The following WDR26 variants were observed in gnomAD, a reference collection of about 807,000 sequenced individuals.
WDR26 encodes WD repeat-containing protein 26.
WDR26 carries 5 observed loss-of-function variants against 84.1 expected under a neutral mutation model. The observed-to-expected ratio is 0.06, with a 90% CI of 0.03 to 0.13. The LOEUF is 0.13. Ranked by LOEUF, WDR26 falls within the 10% of genes least tolerant of loss-of-function variation. WDR26 has a pLI of 1.00. For missense variants in WDR26, 642 were observed against 974.9 expected, an observed-to-expected ratio of 0.66 and a Z score of 4.55; for synonymous variants, 415 against 389.6, an observed-to-expected ratio of 1.07 and a Z score of -0.77.
intron 7 of WDR26, among the ~76,000 whole-genome samples, chr1:224,407,486 CAT>C (rs35396542): frequency 2.9e-4 from 41 of 143,040 alleles, no homozygotes; most frequent in African/African-American, 7.3e-4. Flanking sequence ...TCAAAAAGGG[CAT>C]ATATATATAT....
intron 3 of WDR26, 87 bp downstream of exon 3, chr1:224,431,390 T>A (rs1674389666): frequency 8.1e-7 from 1 of 1,233,308 alleles, no homozygotes; most frequent in South Asian, 1.3e-5. Flanking sequence ...TTAGGCCTTA[T>A]TTTTTTATAA....
intron 5 of WDR26, 132 bp from the exon 6 acceptor site, chr1:224,418,548 G>A (rs780536280): frequency 2.7e-5 from 21 of 769,304 alleles, no homozygotes; most frequent in South Asian, 1.8e-4. Context: ...GAAGTTCTGC[G>A]TTATGCGATA....
In WDR26 at chr1:224,418,403, T is replaced by C. The variant is rs1572198940; in HGVS notation, c.1176A>G (p.Pro392=). 6.2e-7 allele frequency: 1 copy of C among 1,608,530 alleles called. No individual in the cohort carries two copies. The highest frequency in any genetic ancestry group is 8.5e-7 in the Non-Finnish European group (1 of 1,178,290). ...AACGCCGTGGGGGAAGCATCACTGA[T>C]GGTGGTAAATAGGCTTTAATAGAAG... Residue 392 remains proline, a synonymous_variant, in exon 6 of 14, where the codon CCA becomes CCG. Transcript: ENST00000414423.
intron 6 of WDR26, among the ~76,000 whole-genome samples, chr1:224,411,852 T>C (rs547919605): frequency 6.6e-5 from 10 of 152,156 alleles, no homozygotes; most frequent in Middle Eastern, 6.8e-3. Context: ...ACCACAGACC[T>C]GTGACACCAG....
rs1251513219 is a variant in WDR26 at position 224,388,423 on chromosome 1, C to T, written c.*1412G>A. On this transcript the variant is annotated 3_prime_UTR_variant, in exon 14 of 14. Coordinates refer to ENST00000414423, the MANE Select transcript of WDR26 (RefSeq NM_001379403.1). ...TATGTTATGTTGTATTCAGCTGTTA[C>T]GGAGTTTAAAAGCACAATGTGAACA... The T allele has an allele frequency of 4.6e-5, 7 of 152,112 alleles. No homozygotes were observed. Among genetic ancestry groups the T allele is most frequent in the African/African-American group, 7.2e-5 (3 of 41,418 alleles). The allele number at this position is 152,112 out of a possible 1,614,324, so 9.4% of individuals were successfully genotyped here.
intron 3 of WDR26, chr1:224,430,777 T>C (rs1674368514): frequency 6.6e-6 from 1 of 152,234 alleles, no homozygotes; most frequent in Non-Finnish European, 1.5e-5. Flanking sequence ...AAAAAACTTA[T>C]TTCCTCTCTC....
intron 4 of WDR26, among the ~76,000 whole-genome samples, chr1:224,421,041 A>C (rs559606269): frequency 2.2e-4 from 34 of 152,350 alleles, no homozygotes; most frequent in African/African-American, 7.7e-4. Context: ...GTGAAAATAC[A>C]TATTAAATCT....
At chr1:224,433,178 T>C (rs573080422) in intron 1 of WDR26, among the ~76,000 whole-genome samples, 46 of 152,292 alleles carry the variant, frequency 3.0e-4, no homozygotes, top group Middle Eastern at 6.8e-3. Flanking sequence ...TGTAGGTGAT[T>C]GTCTTTCCTG....
intron 13 of WDR26, among the ~76,000 whole-genome samples, chr1:224,391,385 A>AAAAAAC: frequency 2.2e-5 from 1 of 45,870 alleles, no homozygotes; most frequent in South Asian, 7.8e-4. Context: ...AAAAAAAAAC[A>AAAAAAC]AAAAAAAAAC....
chr1:224,404,655 T>C (rs1572174514), intron 7 of WDR26, 85 bp from the exon 8 acceptor site: 2 of 1,471,926 alleles, frequency 1.4e-6, no homozygotes, highest in Non-Finnish European at 9.1e-7. Flanking sequence ...GCTACAAAGA[T>C]GTACTTTGAT....
At chr1:224,423,736 CATCT>C (rs1674130997) in intron 4 of WDR26, among the ~76,000 whole-genome samples, 2 of 152,194 alleles carry the variant, frequency 1.3e-5, no homozygotes, top group Admixed American at 6.5e-5. Flanking sequence ...ACAACTGAGA[CATCT>C]ATTAAACATC....
At chr1:224,399,103 A>C (rs1219212714) in intron 9 of WDR26, 69 bp from the exon 10 acceptor site, 2 of 1,378,492 alleles carry the variant, frequency 1.5e-6, no homozygotes, top group African/African-American at 3.0e-5. Flanking sequence ...AAGAACCAAA[A>C]GACTCCCTTC....
In WDR26 at chr1:224,434,703, G is replaced by A; in HGVS notation, c.-298C>T. The A allele has an allele frequency of 1.0e-6, 1 of 953,978 alleles. No individual in the cohort carries two copies. Among genetic ancestry groups the A allele is most frequent in the African/African-American group, 1.8e-5 (1 of 56,270 alleles). 59.1% of individuals were successfully genotyped at this position (953,978 alleles called of 1,614,324 possible). A position where few individuals can be genotyped will look rare whatever the true frequency, so the allele number is the denominator to read the frequency against. On this transcript the variant is annotated 5_prime_UTR_variant, in exon 1 of 14. Coordinates refer to ENST00000414423, the MANE Select transcript of WDR26 (RefSeq NM_001379403.1). ...CGGCAGTGGCTGCGGCGGCGGCGGC[G>A]GCGGGCGGCAGCGGAGGCAGCTGCC...
chr1:224,403,738 A>C (rs1408487246), intron 8 of WDR26, among the ~76,000 whole-genome samples: 3 of 152,226 alleles, frequency 2.0e-5, no homozygotes, highest in Non-Finnish European at 4.4e-5. Flanking sequence ...AGAGTTCGAG[A>C]CTAGCCTGGC....
At chr1:224,398,637 C>T in intron 10 of WDR26, 44 bp from the exon 11 acceptor site, 2 of 1,509,392 alleles carry the variant, frequency 1.3e-6, no homozygotes, top group Non-Finnish European at 1.8e-6. Flanking sequence ...TATTAACAGT[C>T]AAGACATTCA....
chr1:224,431,919 C>A, intron 1 of WDR26, 138 bp from the exon 2 acceptor site: 1 of 596,974 alleles, frequency 1.7e-6, no homozygotes, highest in Non-Finnish European at 2.6e-6. Context: ...TTTCATGTGC[C>A]TGGTTAAACA....
chr1:224,431,439 A>C, intron 3 of WDR26, 38 bp downstream of exon 3: 1 of 1,577,932 alleles, frequency 6.3e-7, no homozygotes, highest in Non-Finnish European at 8.7e-7. Flanking sequence ...CTACTAAAAT[A>C]AGCATAAATG....
intron 12 of WDR26, chr1:224,397,778 T>A: frequency 4.5e-6 from 1 of 219,880 alleles, no homozygotes; most frequent in Non-Finnish European, 8.9e-6. Flanking sequence ...TATAATAATT[T>A]AACTAAATCT....
chr1:224,403,487 A>G (rs560037248), intron 8 of WDR26, among the ~76,000 whole-genome samples: 6 of 152,356 alleles, frequency 3.9e-5, no homozygotes, highest in Admixed American at 3.9e-4. Flanking sequence ...TTTTCTTAAT[A>G]AAAAGCTGGA....
Sources: gnomAD v4.1 joint callset for allele counts (sites outside exome capture counted in the v4.1 genomes callset) on GRCh38, gnomAD v4.1.1 for gene constraint, MANE v1.5 for transcripts, NCBI Gene and HGNC (gene_info 2026-07-23, HGNC 2026-07-21) for gene names.